REM2: variants seen among roughly 807,000 people sequenced by gnomAD.
REM2 encodes the protein RRAD and GEM like GTPase 2, also known as GTP-binding protein REM 2.
Under a neutral mutation model 24.4 loss-of-function variants are expected in REM2, and 24 were observed. The observed-to-expected ratio is 0.98, with a 90% CI of 0.71 to 1.38. The LOEUF (loss-of-function observed/expected upper bound fraction) is 1.38, where lower values mean the gene tolerates loss of function less well. REM2 is among the 40% of genes most tolerant of loss of function. REM2 has a pLI of 0.00. For synonymous variants in REM2, 187 were observed against 198.0 expected, an observed-to-expected ratio of 0.94 and a Z score of 0.47; for missense variants, 429 against 467.8, an observed-to-expected ratio of 0.92 and a Z score of 0.77.
chr14:22,887,257 G>A lies in REM2; in HGVS notation c.*348G>A. The A allele has an allele frequency of 4.7e-6, 1 of 210,966 alleles. No individual in the cohort carries two copies. 13.1% of individuals were successfully genotyped at this position (210,966 alleles called of 1,614,324 possible). A position where few individuals can be genotyped will look rare whatever the true frequency, so the allele number is the denominator to read the frequency against. On this transcript the variant is annotated 3_prime_UTR_variant, in exon 5 of 5. Transcript: ENST00000267396. ...TAATTCGCGCTTGGCCACCTCATCT[G>A]TAAAGAGATTCTAAAAGCAAGATCT...
rs2040136314 is a variant in REM2, at chr14:22,886,926, C to T, written c.*17C>T. 3 of 1,405,544 alleles carry T rather than the reference C, an allele frequency of 2.1e-6. No homozygotes were observed. Among genetic ancestry groups the T allele is most frequent in the Non-Finnish European group, 2.8e-6 (3 of 1,073,362 alleles). 87.1% of individuals were successfully genotyped at this position (1,405,544 alleles called of 1,614,324 possible). ...GTGCTCTGAGCCGCGGTCGCCATGG[C>T]CACTGCGGTCGCCATGGTCACCGCG... On this transcript the variant is annotated 3_prime_UTR_variant, in exon 5 of 5. Coordinates refer to ENST00000267396, the MANE Select transcript of REM2 (RefSeq NM_173527.3). This position sits in a 1 kb window ranked among gnomAD's most constrained non-coding sequence, Gnocchi z 5.9.
intron 2 of REM2, 38 bp from the exon 3 acceptor site, chr14:22,885,228 C>T: frequency 6.3e-7 from 1 of 1,581,176 alleles, no homozygotes; most frequent in East Asian, 2.2e-5. Flanking sequence ...TGGGAAACCT[C>T]CTAATGGACT....
In REM2 at chr14:22,885,324, T is replaced by A; in HGVS notation, c.504T>A (p.Tyr168Ter). Residue 168 changes from tyrosine (Y) to a stop codon, truncating the protein, a stop_gained, in exon 3 of 5, where the codon TAT becomes TAA. Transcript: ENST00000267396. LOFTEE classifies it high-confidence loss of function. The stretch of plus-strand genomic sequence containing the variant: ...AGGAGGAAGTGACTCTAGTCGTTTA[T>A]GACATCTGGGAACAGGTGAGAACTA... ...VDKEEVTLVV[Y>*]DIWEQGDAGG... 1 of 1,613,282 alleles carries A rather than the reference T, an allele frequency of 6.2e-7. No homozygotes were observed. Among genetic ancestry groups the A allele is most frequent in the Non-Finnish European group, 8.5e-7 (1 of 1,179,216 alleles).
Position 22,886,159 on chromosome 14 carries a change from C to A in REM2, c.655C>A (p.His219Asn). 6.2e-7 allele frequency: 1 copy of A among 1,613,956 alleles called. No homozygotes were observed. The highest frequency in any genetic ancestry group is 1.3e-5 in the African/African-American group (1 of 75,036). The part of the protein sequence containing the change: ...TLLRLRAGRP[H>N]HDLPVILVGN... ...ACTTCGGCTCCGGGCTGGGAGGCCG[C>A]ACCACGACCTACCCGTTATCCTCGT... The change falls in exon 4 of 5, where the codon CAC becomes AAC. Residue 219 changes from histidine to asparagine, a missense_variant. Coordinates refer to ENST00000267396, the MANE Select transcript of REM2 (RefSeq NM_173527.3). The surrounding 1 kb of genome is among the most constrained non-coding windows in gnomAD (Gnocchi z 5.9).
rs113966157 is a variant in REM2 at position 22,886,718 on chromosome 14, C to A, written c.832C>A (p.Arg278=). ...CTTCGAGGGCGCGGTGCGCCAGATC[C>A]GGCTGCGGCGGGGCCGAAACCACGC... is the stretch of plus-strand genomic sequence containing the variant. ...ELFEGAVRQI[R]LRRGRNHAGG... is the part of the protein sequence containing the mutation. The change falls in exon 5 of 5, where the codon CGG becomes AGG. Residue 278 remains arginine, a synonymous_variant. Transcript: ENST00000267396. This position sits in a 1 kb window ranked among gnomAD's most constrained non-coding sequence, Gnocchi z 5.9. The A allele has an allele frequency of 5.9e-6, 9 of 1,515,278 alleles. No individual in the cohort carries two copies. The allele number at this position is 1,515,278 out of a possible 1,614,324, so 93.9% of individuals were successfully genotyped here.
At position 22,886,983 on chromosome 14, in the gene REM2, C is replaced by T; in HGVS notation, c.*74C>T. 2 of 1,267,772 alleles carry T rather than the reference C, an allele frequency of 1.6e-6. No homozygotes were observed. The highest frequency in any genetic ancestry group is 2.1e-6 in the Non-Finnish European group (2 of 963,248). The allele number at this position is 1,267,772 out of a possible 1,614,324, so 78.5% of individuals were successfully genotyped here. A position where few individuals can be genotyped will look rare whatever the true frequency, so the allele number is the denominator to read the frequency against. Reference sequence around the variant, plus strand: ...GCTCGCCCCCCCTCGCCCCGCCCCGCCCCCGTCCGGCTTCCTTGGTGGAGG... The same window carrying T: ...GCTCGCCCCCCCTCGCCCCGCCCCGTCCCCGTCCGGCTTCCTTGGTGGAGG... On this transcript the variant is annotated 3_prime_UTR_variant, in exon 5 of 5. Coordinates refer to ENST00000267396, the MANE Select transcript of REM2 (RefSeq NM_173527.3). This position sits in a 1 kb window ranked among gnomAD's most constrained non-coding sequence, Gnocchi z 5.9.
At position 22,887,580 on chromosome 14, in the gene REM2, T is replaced by G. The variant is rs1267291331; in HGVS notation, c.*671T>G. The G allele has an allele frequency of 3.9e-5, 6 of 152,204 alleles. No homozygotes were observed. The highest frequency in any genetic ancestry group is 8.8e-5 in the Non-Finnish European group (6 of 68,028). 9.4% of individuals were successfully genotyped at this position (152,204 alleles called of 1,614,324 possible). On this transcript the variant is annotated 3_prime_UTR_variant, in exon 5 of 5. Transcript: ENST00000267396. Reference sequence around the variant, plus strand: ...GTAAGGGGTGGACAGACTTTCTGCATTCAGATAATGAGCAGTGGCAACCCC... The same window carrying G: ...GTAAGGGGTGGACAGACTTTCTGCAGTCAGATAATGAGCAGTGGCAACCCC...
Position 22,886,992 on chromosome 14 carries a change from G to A in REM2, c.*83G>A. ...CCCTCGCCCCGCCCCGCCCCCGTCCGGCTTCCTTGGTGGAGGCCGTCTAGG... is the reference window on the plus strand; with the variant it reads ...CCCTCGCCCCGCCCCGCCCCCGTCCAGCTTCCTTGGTGGAGGCCGTCTAGG... On this transcript the variant is annotated 3_prime_UTR_variant, in exon 5 of 5. Transcript: ENST00000267396. This position sits in a 1 kb window ranked among gnomAD's most constrained non-coding sequence, Gnocchi z 5.9. The A allele has an allele frequency of 8.1e-7, 1 of 1,240,288 alleles. No individual in the cohort carries two copies. The highest frequency in any genetic ancestry group is 1.1e-6 in the Non-Finnish European group (1 of 939,910). 76.8% of individuals were successfully genotyped at this position (1,240,288 alleles called of 1,614,324 possible). A position where few individuals can be genotyped will look rare whatever the true frequency, so the allele number is the denominator to read the frequency against.
chr14:22,884,420 T>C lies in REM2; in HGVS notation c.104-254T>C, dbSNP rs533363652. On this transcript the variant is annotated intron_variant, in intron 1 of 4. Transcript: ENST00000267396. The stretch of plus-strand genomic sequence containing the variant: ...TGAGCCTGCATTCAGGTCCCTTCCC[T>C]GCATGGGGCACGTTTTGAATAGGTT... 5 of 985,454 alleles carry C rather than the reference T, an allele frequency of 5.1e-6. No homozygotes were observed. In the African/African-American group the frequency reaches 7.0e-5, roughly 14 times the overall value. The allele number at this position is 985,454 out of a possible 1,614,324, so 61.0% of individuals were successfully genotyped here. A position where few individuals can be genotyped will look rare whatever the true frequency, so the allele number is the denominator to read the frequency against.
rs771096680 is a variant in REM2, at chr14:22,884,076, T to A, written c.104-598T>A. 1.5e-3 allele frequency: 1,445 copies of A among 955,760 alleles called. 2 individuals carry two copies. The highest frequency in any genetic ancestry group is 7.6e-3 in the East Asian group (66 of 8,642). The allele number at this position is 955,760 out of a possible 1,614,324, so 59.2% of individuals were successfully genotyped here. On this transcript the variant is annotated intron_variant, in intron 1 of 4. Coordinates refer to ENST00000267396, the MANE Select transcript of REM2 (RefSeq NM_173527.3). ...GGAAGCAGCAGCCCCTCTCTCTCTC[T>A]CACACACACACACAGAGAACCCACA...
intron 1 of REM2, chr14:22,884,303 C>A (rs1011142310): frequency 1.0e-6 from 1 of 985,348 alleles, no homozygotes; most frequent in Non-Finnish European, 1.2e-6. Context: ...AAAGAGGCAG[C>A]TTCCCCAAAC....
chr14:22,883,897 G>GCT (rs2040093435), intron 1 of REM2, among the ~76,000 whole-genome samples: 1 of 114,892 alleles, frequency 8.7e-6, no homozygotes, highest in Admixed American at 9.2e-5. Flanking sequence ...TCTCCCTTTC[G>GCT]CTCACACACA....
chr14:22,885,244 C>G, intron 2 of REM2, 22 bp from the exon 3 acceptor site: 1 of 1,603,926 alleles, frequency 6.2e-7, no homozygotes, highest in Non-Finnish European at 8.5e-7. Context: ...GGACTTTATA[C>G]CCTCTCCCTA....
At chr14:22,885,380 G>A in intron 3 of REM2, 41 bp downstream of exon 3, 1 of 1,510,096 alleles carries the variant, frequency 6.6e-7, no homozygotes, top group Non-Finnish European at 9.2e-7. Flanking sequence ...GATGAAGCTG[G>A]GAGAACTGGG....
At position 22,886,231 on chromosome 14, in the gene REM2, G is replaced by A. The variant is rs2040126075; in HGVS notation, c.727G>A (p.Glu243Lys). ...CCGCTCCCGGGAGGTATCACTGGAG[G>A]GTGTGTATCCTGAACAGATTCCATA... is the stretch of plus-strand genomic sequence containing the variant. Reference protein sequence around the residue: ...LARSREVSLEEGRHLAGTLSC... With the variant: ...LARSREVSLEKGRHLAGTLSC... Residue 243 changes from glutamate to lysine, a missense_variant and splice_region_variant, in exon 4 of 5, where the codon GAG becomes AAG. By Grantham distance (56) the Glu-to-Lys change is moderately conservative. Coordinates refer to ENST00000267396, the MANE Select transcript of REM2 (RefSeq NM_173527.3). This position sits in a 1 kb window ranked among gnomAD's most constrained non-coding sequence, Gnocchi z 5.9. 2 of 1,608,442 alleles carry A rather than the reference G, an allele frequency of 1.2e-6. No homozygotes were observed. Among genetic ancestry groups the A allele is most frequent in the Non-Finnish European group, 1.7e-6 (2 of 1,176,744 alleles).
In REM2 at chr14:22,886,130, C is replaced by T. The variant is rs2040124139; in HGVS notation, c.626C>T (p.Thr209Ile). ...CGGAGTTTCTCCAAAGTTCCAGAGA[C>T]CCTACTTCGGCTCCGGGCTGGGAGG... ...DRRSFSKVPETLLRLRAGRPH... is the reference protein window; with the variant it reads ...DRRSFSKVPEILLRLRAGRPH... The change falls in exon 4 of 5, where the codon ACC (threonine) becomes ATC (isoleucine). Residue 209 changes from threonine (T) to isoleucine (I), a missense_variant. Transcript: ENST00000267396. This position sits in a 1 kb window ranked among gnomAD's most constrained non-coding sequence, Gnocchi z 5.9. 2 of 1,614,016 alleles carry T rather than the reference C, an allele frequency of 1.2e-6. No individual in the cohort carries two copies. The highest frequency in any genetic ancestry group is 8.5e-7 in the Non-Finnish European group (1 of 1,179,874).
At chr14:22,884,431 C>T (rs2040100774) in intron 1 of REM2, 1 of 985,382 alleles carries the variant, frequency 1.0e-6, no homozygotes, top group Non-Finnish European at 1.2e-6. Flanking sequence ...GCATGGGGCA[C>T]GTTTTGAATA....
chr14:22,885,985 C>T, intron 3 of REM2, 39 bp from the exon 4 acceptor site: 1 of 1,546,550 alleles, frequency 6.5e-7, no homozygotes, highest in Non-Finnish European at 8.9e-7. Context: ...ACAGGATCTC[C>T]TATGCCTCCA....
chr14:22,884,076 T>TCACA (rs930599634), intron 1 of REM2: 2 of 958,522 alleles, frequency 2.1e-6, no homozygotes, highest in Non-Finnish European at 2.5e-6. Flanking sequence ...TCTCTCTCTC[T>TCACA]CACACACACA....
Sources: allele counts gnomAD v4.1 joint callset (sites outside exome capture counted in the v4.1 genomes callset), GRCh38; gene constraint gnomAD v4.1.1; non-coding constraint Gnocchi (gnomAD v3.1); transcripts MANE v1.5; gene names NCBI Gene and HGNC (gene_info 2026-07-23, HGNC 2026-07-21).